The following TMEM163 variants were observed in gnomAD, a reference collection of about 807,000 sequenced individuals.
TMEM163 encodes the protein transmembrane protein 163.
A neutral mutation model predicts 29.3 loss-of-function variants in TMEM163; 17 were observed. The ratio of observed to expected loss-of-function variants is 0.58; its 90% CI spans 0.40 to 0.87. TMEM163 has a LOEUF of 0.87. Ranked by LOEUF, TMEM163 falls within the 40% of genes least tolerant of loss-of-function variation. The probability of loss-of-function intolerance (pLI) is 0.00; values close to 1 mark genes in which losing one functional copy is unlikely to be tolerated. For missense variants in TMEM163, 303 were observed against 381.5 expected, an observed-to-expected ratio of 0.79 and a Z score of 1.71; for synonymous variants, 157 against 160.6, an observed-to-expected ratio of 0.98 and a Z score of 0.17.
chr2:134,593,407 G>C (rs927259637), intron 2 of TMEM163, among the ~76,000 whole-genome samples: 1 of 94,080 alleles, frequency 1.1e-5, no homozygotes, highest in Non-Finnish European at 2.3e-5. Context: ...AAAAGAGCAG[G>C]CCAAAGAGAC....
chr2:134,692,177 A>G (rs1247519138), intron 2 of TMEM163, among the ~76,000 whole-genome samples: 1 of 152,006 alleles, frequency 6.6e-6, no homozygotes, highest in Non-Finnish European at 1.5e-5. Flanking sequence ...AGAAACAAAG[A>G]AAGTATTCTT....
intron 2 of TMEM163, among the ~76,000 whole-genome samples, chr2:134,644,183 G>A (rs1253188422): frequency 6.6e-6 from 1 of 152,114 alleles, no homozygotes; most frequent in Non-Finnish European, 1.5e-5. Flanking sequence ...AGATGTACAT[G>A]TCTGTAAACT....
At chr2:134,715,819 G>C (rs1248146841) in intron 1 of TMEM163, among the ~76,000 whole-genome samples, 2 of 152,334 alleles carry the variant, frequency 1.3e-5, no homozygotes, top group East Asian at 3.9e-4. Context: ...ACAGGCCTCG[G>C]ATTTGCAGGC....
intron 2 of TMEM163, among the ~76,000 whole-genome samples, chr2:134,579,434 A>G (rs1681639968): frequency 6.6e-6 from 1 of 152,242 alleles, no homozygotes; most frequent in Non-Finnish European, 1.5e-5. Flanking sequence ...TTTTAAAAAC[A>G]AATATGAAGT....
At chr2:134,581,245 A>G (rs892224054) in intron 2 of TMEM163, among the ~76,000 whole-genome samples, 4 of 152,170 alleles carry the variant, frequency 2.6e-5, no homozygotes, top group Admixed American at 6.5e-5. Flanking sequence ...CCAAGCTTCT[A>G]TCACCCAAAG....
intron 5 of TMEM163, among the ~76,000 whole-genome samples, chr2:134,482,750 A>T (rs930078344): frequency 1.3e-5 from 2 of 152,176 alleles, no homozygotes; most frequent in African/African-American, 4.8e-5. Context: ...TTGACAAGTT[A>T]CCGTGGATTC....
intron 2 of TMEM163, among the ~76,000 whole-genome samples, chr2:134,669,467 A>G (rs1683943785): frequency 6.6e-6 from 1 of 152,360 alleles, no homozygotes; most frequent in African/African-American, 2.4e-5. Flanking sequence ...CCCTCATTCC[A>G]AAGCTCATCA....
intron 4 of TMEM163, among the ~76,000 whole-genome samples, chr2:134,503,797 TGG>T: frequency 6.6e-6 from 1 of 152,136 alleles, no homozygotes; most frequent in Admixed American, 6.5e-5. Flanking sequence ...GCATGGGGAC[TGG>T]CAAAGAAGGC....
chr2:134,585,971 C>T (rs2104798423), intron 2 of TMEM163, among the ~76,000 whole-genome samples: 1 of 152,212 alleles, frequency 6.6e-6, no homozygotes, highest in Middle Eastern at 3.4e-3. Context: ...GATTTTTGTG[C>T]ATGGACTTAA....
intron 2 of TMEM163, among the ~76,000 whole-genome samples, chr2:134,616,755 G>T (rs1403711116): frequency 6.6e-6 from 1 of 152,178 alleles, no homozygotes; most frequent in Non-Finnish European, 1.5e-5. Flanking sequence ...TATATAAGAT[G>T]TTAACATTGG....
chr2:134,606,919 C>T (rs1682383809), intron 2 of TMEM163, among the ~76,000 whole-genome samples: 1 of 147,932 alleles, frequency 6.8e-6, no homozygotes, highest in Non-Finnish European at 1.5e-5. Flanking sequence ...AGGACAGACC[C>T]CGAGAACTGT....
In TMEM163 at chr2:134,460,121, G is replaced by C. The variant is rs1376615776; in HGVS notation, c.668-1948C>G. The stretch of plus-strand genomic sequence containing the variant: ...CACTCTCCCCGCTGATCCCTGCTCT[G>C]TCCTGGCCACCTGTGGCCCTCCCTG... On this transcript the variant is annotated intron_variant, in intron 6 of 7. Coordinates refer to ENST00000281924, the MANE Select transcript of TMEM163 (RefSeq NM_030923.5). The surrounding 1 kb of genome is among the most constrained non-coding windows in gnomAD (Gnocchi z 4.3). 5.6e-5 allele frequency among the ~76,000 whole-genome samples: 7 copies of C among 125,566 alleles called. No homozygotes were observed. In the East Asian group the frequency reaches 1.8e-3, roughly 33 times the overall value. The allele number at this position is 125,566 out of a possible 152,430, so 82.4% of individuals were successfully genotyped here.
chr2:134,512,006 G>A (rs1679959780), intron 4 of TMEM163, among the ~76,000 whole-genome samples: 1 of 152,164 alleles, frequency 6.6e-6, no homozygotes, highest in Admixed American at 6.5e-5. Context: ...AGCTGATCAT[G>A]GTTTTTGTAG....
intron 6 of TMEM163, among the ~76,000 whole-genome samples, chr2:134,463,474 G>A (rs1274495376): frequency 6.6e-6 from 1 of 152,216 alleles, no homozygotes; most frequent in Non-Finnish European, 1.5e-5. Context: ...GGAAGGCCAT[G>A]CAGATGAACC....
At chr2:134,569,978 A>T (rs927368811) in intron 2 of TMEM163, among the ~76,000 whole-genome samples, 27 of 152,128 alleles carry the variant, frequency 1.8e-4, no homozygotes, top group Non-Finnish European at 1.2e-4. Context: ...TTGGTCACTT[A>T]TTAGCCCCTG....
At chr2:134,590,747 G>T (rs1318375749) in intron 2 of TMEM163, among the ~76,000 whole-genome samples, 1 of 152,074 alleles carries the variant, frequency 6.6e-6, no homozygotes, top group Non-Finnish European at 1.5e-5. Context: ...ACCATATAGG[G>T]TAACTCCTGA....
intron 5 of TMEM163, among the ~76,000 whole-genome samples, chr2:134,498,079 C>A (rs1317332916): frequency 6.6e-6 from 1 of 152,196 alleles, no homozygotes; most frequent in Non-Finnish European, 1.5e-5. Flanking sequence ...TTCATTTGAT[C>A]CTTATCATAA....
At chr2:134,566,237 G>A (rs916577821) in intron 2 of TMEM163, among the ~76,000 whole-genome samples, 1 of 152,040 alleles carries the variant, frequency 6.6e-6, no homozygotes, top group African/African-American at 2.4e-5. Flanking sequence ...CTGAAAAAAC[G>A]AGAAGAAAAT....
rs114585759 is a variant in TMEM163, at chr2:134,659,211, C to T, written c.322+53989G>A. 3.4e-3 allele frequency among the ~76,000 whole-genome samples: 511 copies of T among 152,294 alleles called. 3 individuals are homozygous for T. Among genetic ancestry groups the T allele is most frequent in the African/African-American group, 0.012 (481 of 41,548 alleles). On this transcript the variant is annotated intron_variant, in intron 2 of 7. Transcript: ENST00000281924. ...ATAGGAAAGGTAATGTGTTGCAATT[C>T]GACCTTACAATGTCACTAAGCAAGA...
Sources: allele counts gnomAD v4.1 joint callset (sites outside exome capture counted in the v4.1 genomes callset), GRCh38; gene constraint gnomAD v4.1.1; non-coding constraint Gnocchi (gnomAD v3.1); transcripts MANE v1.5; gene names NCBI Gene and HGNC (gene_info 2026-07-23, HGNC 2026-07-21).